Variants in CEP152 observed in about 807,000 individuals in gnomAD.
CEP152 encodes centrosomal protein 152.
CEP152 carries 132 observed loss-of-function variants against 188.9 expected under a neutral mutation model. That is an observed-to-expected ratio of 0.70 (90% CI 0.61 to 0.81). The LOEUF is 0.81. Ranked by LOEUF, CEP152 falls within the 30% of genes least tolerant of loss-of-function variation. CEP152 has a pLI of 0.00. For missense variants in CEP152, 1,914 were observed against 1,969.8 expected (o/e 0.97, Z 0.54); for synonymous variants, 649 against 666.6 (o/e 0.97, Z 0.41).
Position 48,739,235 on chromosome 15 carries a change from C to T in CEP152, c.4147G>A (p.Asp1383Asn). Residue 1383 changes from aspartate to asparagine, a missense_variant, in exon 27 of 27, where the codon GAT (aspartate) becomes AAT (asparagine). Transcript: ENST00000380950. Reference sequence around the variant, plus strand: ...CAACATGGTATTTTCTGATTCACATCATTTCTTTTTGATTTTTTAACTGCA... The same window carrying T: ...CAACATGGTATTTTCTGATTCACATTATTTCTTTTTGATTTTTTAACTGCA... The part of the protein sequence containing the change: ...LIAVKKSKRN[D>N]VNQKIPCCIE... The T allele has an allele frequency of 6.2e-6, 10 of 1,613,440 alleles. No individual in the cohort carries two copies. Among genetic ancestry groups the T allele is most frequent in the Non-Finnish European group, 8.5e-6 (10 of 1,179,866 alleles).
At chr15:48,788,767 T>C (rs1206219740) in intron 9 of CEP152, 34 bp downstream of exon 9, 3 of 1,574,916 alleles carry the variant, frequency 1.9e-6, no homozygotes, top group East Asian at 2.2e-5. Context: ...GCTTTACTTG[T>C]TGATAACAGT....
At chr15:48,742,224 T>TGTTTA in intron 24 of CEP152, 124 bp from the exon 25 acceptor site, 1 of 877,046 alleles carries the variant, frequency 1.1e-6, no homozygotes, top group African/African-American at 1.7e-5. Flanking sequence ...GTTTAAACAT[T>TGTTTA]ATACTTTCCA....
intron 21 of CEP152, among the ~76,000 whole-genome samples, chr15:48,750,088 A>T (rs990796777): frequency 6.6e-6 from 1 of 152,126 alleles, no homozygotes; most frequent in Non-Finnish European, 1.5e-5. Flanking sequence ...AAAATGGAGT[A>T]AAATGTTAAT....
At chr15:48,743,213 C>A (rs745509672) in intron 24 of CEP152, among the ~76,000 whole-genome samples, 1 of 151,906 alleles carries the variant, frequency 6.6e-6, no homozygotes, top group Non-Finnish European at 1.5e-5. Context: ...TTATAAATAC[C>A]GAATGAGCTT....
intron 1 of CEP152, among the ~76,000 whole-genome samples, chr15:48,808,171 G>C (rs1487969836): frequency 6.6e-6 from 1 of 151,008 alleles, no homozygotes; most frequent in Non-Finnish European, 1.5e-5. Context: ...TAAAATAAAA[G>C]CTAATACCTT....
intron 11 of CEP152, among the ~76,000 whole-genome samples, chr15:48,781,751 T>C (rs1243596500): frequency 6.6e-6 from 1 of 152,154 alleles, no homozygotes; most frequent in Admixed American, 6.5e-5. Flanking sequence ...GAGGTAATAA[T>C]GGAACTCTTC....
chr15:48,796,073 G>C lies in CEP152; in HGVS notation c.628C>G (p.Gln210Glu). Residue 210 changes from glutamine (Q) to glutamate (E), a missense_variant, in exon 6 of 27, where the codon CAG becomes GAG. Transcript: ENST00000380950. ...SSAQNNGSPAQEITGSDTFEG... is the reference protein window; with the variant it reads ...SSAQNNGSPAEEITGSDTFEG... ...AATGTGTCACTTCCTGTTATCTCCT[G>C]GGCTGGTGAGCCATTATTCTGGGCA... The C allele has an allele frequency of 6.2e-7, 1 of 1,613,770 alleles. No individual in the cohort carries two copies. The highest frequency in any genetic ancestry group is 8.5e-7 in the Non-Finnish European group (1 of 1,179,866).
chr15:48,740,179 C>T (rs1431763169), intron 26 of CEP152, among the ~76,000 whole-genome samples: 1 of 152,148 alleles, frequency 6.6e-6, no homozygotes, highest in Non-Finnish European at 1.5e-5. Context: ...AGAAAGAAAA[C>T]AATTACAGTT....
rs528811149 is a variant in CEP152, at chr15:48,777,137, T to A, written c.1577+4059A>T. On this transcript the variant is annotated intron_variant, in intron 12 of 26. Coordinates refer to ENST00000380950, the MANE Select transcript of CEP152 (RefSeq NM_001194998.2). ...AACATGACCCCTAAATGTAATGGGG[T>A]AGCCTGGTTGGGATCCCAGAACAGA... Among the ~76,000 whole-genome samples, 8 of 151,996 alleles carry A rather than the reference T, an allele frequency of 5.3e-5. No homozygotes were observed. In the South Asian group the frequency reaches 1.7e-3, roughly 32 times the overall value.
chr15:48,733,846 G>A (rs1044578008), downstream of CEP152, among the ~76,000 whole-genome samples: 2 of 152,056 alleles, frequency 1.3e-5, no homozygotes, highest in African/African-American at 2.4e-5. Flanking sequence ...ATAAGGCAGT[G>A]GAATGACATA....
At chr15:48,733,829 G>A (rs1817908143), downstream of CEP152, among the ~76,000 whole-genome samples, 1 of 152,088 alleles carries the variant, frequency 6.6e-6, no homozygotes, top group South Asian at 2.1e-4. Flanking sequence ...CATGAATAGT[G>A]GTGACCATAA....
intron 19 of CEP152, 121 bp from the exon 20 acceptor site, chr15:48,756,674 G>A (rs1215400138): frequency 1.0e-5 from 9 of 898,840 alleles, no homozygotes; most frequent in Non-Finnish European, 1.3e-5. Flanking sequence ...AAATTAAAAG[G>A]AAACATGATT....
chr15:48,805,330 C>A (rs900826877), intron 2 of CEP152, among the ~76,000 whole-genome samples: 26 of 152,212 alleles, frequency 1.7e-4, no homozygotes, highest in African/African-American at 6.3e-4. Context: ...AAAATTTAAC[C>A]ATTTATCTGA....
At chr15:48,751,962 A>G (rs1893905409) in intron 21 of CEP152, among the ~76,000 whole-genome samples, 1 of 152,228 alleles carries the variant, frequency 6.6e-6, no homozygotes, top group African/African-American at 2.4e-5. Flanking sequence ...ATTAGAAAAC[A>G]TCTAATACAT....
At chr15:48,787,003 A>G (rs1896682705) in intron 9 of CEP152, among the ~76,000 whole-genome samples, 1 of 152,156 alleles carries the variant, frequency 6.6e-6, no homozygotes, top group African/African-American at 2.4e-5. Flanking sequence ...CCAGTCATCC[A>G]AGAAGGGCTA....
chr15:48,745,190 C>T (rs1893313988), intron 22 of CEP152, among the ~76,000 whole-genome samples, 198 bp from the exon 23 acceptor site: 1 of 151,872 alleles, frequency 6.6e-6, no homozygotes, highest in Non-Finnish European at 1.5e-5. Context: ...TGTATCCCAT[C>T]TTCTTCTTGC....
rs1450655567 is a variant in CEP152, at chr15:48,738,096, A to C, written c.*153T>G. The C allele has an allele frequency of 3.6e-6, 3 of 831,986 alleles. No individual in the cohort carries two copies. Among genetic ancestry groups the C allele is most frequent in the Middle Eastern group, 3.7e-4 (1 of 2,702 alleles). 51.5% of individuals were successfully genotyped at this position (831,986 alleles called of 1,614,324 possible). A position where few individuals can be genotyped will look rare whatever the true frequency, so the allele number is the denominator to read the frequency against. ...TTTGGAATATTAAGGCAACATAAAT[A>C]TCTCAAGCAATTTTAGAAGAATGCT... On this transcript the variant is annotated 3_prime_UTR_variant, in exon 27 of 27. Coordinates refer to ENST00000380950, the MANE Select transcript of CEP152 (RefSeq NM_001194998.2).
intron 2 of CEP152, chr15:48,729,621 T>C (rs1420997010): frequency 6.6e-6 from 1 of 152,220 alleles, no homozygotes; most frequent in Non-Finnish European, 1.5e-5. Context: ...CAATTGTATT[T>C]AAGAAATAAA....
At chr15:48,772,904 C>T (rs139113843) in intron 12 of CEP152, among the ~76,000 whole-genome samples, 2 of 152,130 alleles carry the variant, frequency 1.3e-5, no homozygotes, top group Non-Finnish European at 2.9e-5. Flanking sequence ...CAGGAAGAGC[C>T]TTCTCAAGCT....
Sources: gnomAD v4.1 joint callset for allele counts (sites outside exome capture counted in the v4.1 genomes callset) on GRCh38, gnomAD v4.1.1 for gene constraint, MANE v1.5 for transcripts, NCBI Gene and HGNC (gene_info 2026-07-23, HGNC 2026-07-21) for gene names.